UNC13C: variants seen among roughly 807,000 people sequenced by gnomAD.
UNC13C encodes protein unc-13 homolog C.
A neutral mutation model predicts 245.4 loss-of-function variants in UNC13C; 174 were observed. The ratio of observed to expected loss-of-function variants is 0.71; its 90% CI spans 0.63 to 0.80. UNC13C has a LOEUF of 0.80. UNC13C is among the 30% of genes least tolerant of loss of function. The probability of loss-of-function intolerance (pLI) is 0.00; values close to 1 mark genes in which losing one functional copy is unlikely to be tolerated. For synonymous variants in UNC13C, 992 were observed against 895.1 expected, an observed-to-expected ratio of 1.11 and a Z score of -1.93; for missense variants, 2,829 against 2,602.9, an observed-to-expected ratio of 1.09 and a Z score of -1.89.
the UNC13C span, among the ~76,000 whole-genome samples, chr15:53,877,488 A>G: frequency 7.6e-4 from 116 of 152,280 alleles, no homozygotes; most frequent in African/African-American, 2.0e-3. Context: ...AATTAAAGAG[A>G]AAGGGCTTTA....
At chr15:54,258,553 G>A (rs1202686114) in intron 8 of UNC13C, among the ~76,000 whole-genome samples, 1 of 151,846 alleles carries the variant, frequency 6.6e-6, no homozygotes, top group East Asian at 1.9e-4. Context: ...TTTTTTAGTA[G>A]AGATGGAGTT....
chr15:53,897,193 A>G, the UNC13C span, among the ~76,000 whole-genome samples: 4 of 152,184 alleles, frequency 2.6e-5, no homozygotes, highest in Non-Finnish European at 4.4e-5. Flanking sequence ...TTTCTTATCT[A>G]TTGCTATATC....
At chr15:54,142,518 T>C (rs2032069833) in intron 2 of UNC13C, among the ~76,000 whole-genome samples, 1 of 152,208 alleles carries the variant, frequency 6.6e-6, no homozygotes. Flanking sequence ...GCCATAAATA[T>C]ATAAACTCTT....
intron 16 of UNC13C, among the ~76,000 whole-genome samples, chr15:54,334,831 G>T (rs1343157696): frequency 6.6e-6 from 1 of 152,132 alleles, no homozygotes; most frequent in African/African-American, 2.4e-5. Context: ...TGACACTGAG[G>T]AGTGAGGAAT....
At chr15:54,494,030 C>G (rs993209190) in intron 19 of UNC13C, among the ~76,000 whole-genome samples, 1 of 152,016 alleles carries the variant, frequency 6.6e-6, no homozygotes, top group Non-Finnish European at 1.5e-5. Context: ...TATTTTCTCT[C>G]CTTTTCAACT....
At chr15:54,620,743 A>C (rs1235272385) in intron 30 of UNC13C, among the ~76,000 whole-genome samples, 1 of 149,284 alleles carries the variant, frequency 6.7e-6, no homozygotes, top group African/African-American at 2.5e-5. Context: ...CTGTGATTGC[A>C]CCACTGCACT....
chr15:54,121,125 A>G (rs887913811), intron 2 of UNC13C, among the ~76,000 whole-genome samples: 2 of 152,198 alleles, frequency 1.3e-5, no homozygotes, highest in African/African-American at 2.4e-5. Flanking sequence ...GCTATCAAAC[A>G]GTGTCACAAG....
intron 20 of UNC13C, among the ~76,000 whole-genome samples, chr15:54,495,459 T>A (rs1259636510): frequency 1.3e-5 from 2 of 151,972 alleles, no homozygotes; most frequent in African/African-American, 2.4e-5. Flanking sequence ...AGAAATTACC[T>A]CTATTTGGGG....
chr15:53,987,830 A>T (rs1029567802), intron 1 of UNC13C, among the ~76,000 whole-genome samples: 1 of 151,980 alleles, frequency 6.6e-6, no homozygotes, highest in East Asian at 1.9e-4. Context: ...TTCTTTCCTG[A>T]TTGAGAGATA....
chr15:54,228,244 C>G (rs2035450863), intron 4 of UNC13C, among the ~76,000 whole-genome samples: 1 of 152,024 alleles, frequency 6.6e-6, no homozygotes, highest in Admixed American at 6.5e-5. Context: ...GTTCTTTTTT[C>G]AAAGCAATGT....
At chr15:54,321,629 T>A (rs1180966033) in intron 13 of UNC13C, 3 of 365,752 alleles carry the variant, frequency 8.2e-6, no homozygotes, top group Non-Finnish European at 1.5e-5. Flanking sequence ...GCAGAGCTTC[T>A]GCAGCTGTTC....
chr15:54,262,497 C>T (rs368214379), intron 8 of UNC13C, among the ~76,000 whole-genome samples: 1 of 152,176 alleles, frequency 6.6e-6, no homozygotes, highest in African/African-American at 2.4e-5. Context: ...ACTATTTACT[C>T]CAGCCTAAGC....
intron 17 of UNC13C, among the ~76,000 whole-genome samples, chr15:54,389,629 A>G (rs1198148392): frequency 2.0e-5 from 3 of 152,190 alleles, no homozygotes; most frequent in African/African-American, 7.2e-5. Flanking sequence ...GGAGAAGCAC[A>G]CTTCATCAAA....
intron 4 of UNC13C, among the ~76,000 whole-genome samples, chr15:54,191,485 A>C (rs139087510): frequency 0.016 from 2,464 of 152,278 alleles, 55 homozygotes; most frequent in African/African-American, 0.055. Flanking sequence ...AGTCTTTGCT[A>C]TTGTGAACAG....
At chr15:54,470,702 G>C (rs1183123648) in intron 19 of UNC13C, among the ~76,000 whole-genome samples, 1 of 150,504 alleles carries the variant, frequency 6.6e-6, no homozygotes, top group Non-Finnish European at 1.5e-5. Flanking sequence ...CCAATTTTTT[G>C]TTTCATTAGT....
chr15:54,443,594 A>C (rs1230098038), intron 19 of UNC13C, among the ~76,000 whole-genome samples: 3 of 152,030 alleles, frequency 2.0e-5, no homozygotes, highest in African/African-American at 7.2e-5. Context: ...ATATTTTGCT[A>C]TGCTGTGTTT....
At chr15:54,552,652 AATTAT>A (rs547660805) in intron 28 of UNC13C, among the ~76,000 whole-genome samples, 3,437 of 80,596 alleles carry the variant, frequency 0.043, 128 homozygotes, top group Admixed American at 0.092. Context: ...ATAATTATAT[AATTAT>A]ATTATATTGT....
intron 29 of UNC13C, among the ~76,000 whole-genome samples, chr15:54,564,346 C>T (rs922936512): frequency 3.6e-4 from 55 of 151,974 alleles, no homozygotes; most frequent in African/African-American, 1.2e-3. Context: ...AGTTGAGTAT[C>T]GTAATCTAAA....
intron 7 of UNC13C, among the ~76,000 whole-genome samples, chr15:54,245,282 T>C (rs1484406919): frequency 6.6e-6 from 1 of 152,208 alleles, no homozygotes; most frequent in Non-Finnish European, 1.5e-5. Context: ...TTTCAGATTA[T>C]GTTCTGTGTC....
Sources: gnomAD v4.1 joint callset for allele counts (sites outside exome capture counted in the v4.1 genomes callset) on GRCh38, gnomAD v4.1.1 for gene constraint, MANE v1.5 for transcripts, NCBI Gene and HGNC (gene_info 2026-07-23, HGNC 2026-07-21) for gene names.